Variants in RFTN2 observed in about 807,000 individuals in gnomAD.
RFTN2 encodes the protein raftlin-2.
In RFTN2, 34 loss-of-function variants were observed where a neutral mutation model predicts 52.7. The ratio of observed to expected loss-of-function variants is 0.64; its 90% CI spans 0.49 to 0.86. RFTN2 has a LOEUF of 0.86. Ranked by LOEUF, RFTN2 falls within the 40% of genes least tolerant of loss-of-function variation. The pLI is 0.00. For missense variants in RFTN2, 536 were observed against 600.1 expected, an observed-to-expected ratio of 0.89 and a Z score of 1.12; for synonymous variants, 203 against 217.7, an observed-to-expected ratio of 0.93 and a Z score of 0.59.
In RFTN2 at chr2:197,610,819, T is replaced by C. The variant is rs577869464; in HGVS notation, c.1154+5057A>G. Reference sequence around the variant, plus strand: ...CCTAGTTTATTGAGAGTTTTTAGCATGAAGTGCTGTTGAATTTTGTCAAAG... The same window carrying C: ...CCTAGTTTATTGAGAGTTTTTAGCACGAAGTGCTGTTGAATTTTGTCAAAG... On this transcript the variant is annotated intron_variant, in intron 7 of 8. Coordinates refer to ENST00000295049, the MANE Select transcript of RFTN2 (RefSeq NM_144629.3). Among the ~76,000 whole-genome samples, 10 of 152,386 alleles carry C rather than the reference T, an allele frequency of 6.6e-5. No individual in the cohort carries two copies. In the South Asian group the frequency reaches 2.1e-3, roughly 32 times the overall value.
At chr2:197,590,950 G>A (rs925590639) in intron 8 of RFTN2, among the ~76,000 whole-genome samples, 3 of 152,216 alleles carry the variant, frequency 2.0e-5, no homozygotes, top group African/African-American at 7.2e-5. Context: ...GACGAGCCCA[G>A]CAGGTTGCCA....
At chr2:197,591,051 G>C (rs1282209219) in intron 8 of RFTN2, among the ~76,000 whole-genome samples, 1 of 152,200 alleles carries the variant, frequency 6.6e-6, no homozygotes, top group Non-Finnish European at 1.5e-5. Context: ...CAATTGGTCT[G>C]TTTTACAGAG....
At chr2:197,616,309 A>ATTTTATTTTATTTTATTTT (rs1553601950) in intron 6 of RFTN2, among the ~76,000 whole-genome samples, 38 of 125,018 alleles carry the variant, frequency 3.0e-4, no homozygotes, top group Admixed American at 3.3e-4. Flanking sequence ...ATTTTATTTT[A>ATTTTATTTTATTTTATTTT]AAGAGAGGGT....
chr2:197,662,820 G>A (rs996100693), intron 1 of RFTN2, among the ~76,000 whole-genome samples: 2 of 151,894 alleles, frequency 1.3e-5, no homozygotes, highest in Non-Finnish European at 2.9e-5. Flanking sequence ...CTAGAGATGG[G>A]TTCTCACTAT....
intron 3 of RFTN2, among the ~76,000 whole-genome samples, chr2:197,641,582 A>AT (rs1199420041): frequency 6.6e-6 from 1 of 152,044 alleles, no homozygotes; most frequent in African/African-American, 2.4e-5. Context: ...TAAAGTATTA[A>AT]TTTTTTTTCC....
intron 8 of RFTN2, among the ~76,000 whole-genome samples, chr2:197,586,197 C>T (rs995097415): frequency 1.1e-4 from 16 of 152,200 alleles, no homozygotes; most frequent in African/African-American, 3.9e-4. Flanking sequence ...GTCAGACTCT[C>T]CTCCCAGGCC....
At chr2:197,666,127 C>T (rs573739350) in intron 1 of RFTN2, among the ~76,000 whole-genome samples, 1 of 152,172 alleles carries the variant, frequency 6.6e-6, no homozygotes, top group African/African-American at 2.4e-5. Context: ...CTTTGTCACC[C>T]AGGCTGGAGT....
chr2:197,648,050 C>T lies in RFTN2; in HGVS notation c.140-1384G>A, dbSNP rs77406477. ...AGTAACAAGACATATGAAATTAATT[C>T]CAGATATGAGCCTAGTTGGCTGTTG... On this transcript the variant is annotated intron_variant, in intron 1 of 8. Transcript: ENST00000295049. 9.0e-3 allele frequency among the ~76,000 whole-genome samples: 1,377 copies of T among 152,240 alleles called. 25 individuals are homozygous for T. Among genetic ancestry groups the T allele is most frequent in the African/African-American group, 0.032 (1,310 of 41,530 alleles).
chr2:197,629,421 A>G (rs1574722432), intron 5 of RFTN2, among the ~76,000 whole-genome samples: 1 of 152,088 alleles, frequency 6.6e-6, no homozygotes, highest in East Asian at 1.9e-4. Flanking sequence ...CAGGGTGGGA[A>G]ACATCACATA....
intron 5 of RFTN2, among the ~76,000 whole-genome samples, chr2:197,618,992 C>CGGGA (rs1369905167): frequency 4.0e-5 from 6 of 151,716 alleles, no homozygotes; most frequent in Admixed American, 1.3e-4. Flanking sequence ...CCGCCCCATC[C>CGGGA]GGGAGGGAGG....
At chr2:197,618,585 C>T (rs1340144095) in intron 5 of RFTN2, among the ~76,000 whole-genome samples, 2 of 151,714 alleles carry the variant, frequency 1.3e-5, no homozygotes, top group African/African-American at 2.4e-5. Context: ...CCTGGCTGCC[C>T]AGTCTGGAAA....
chr2:197,628,455 A>G (rs970070233), intron 5 of RFTN2, among the ~76,000 whole-genome samples: 6 of 152,218 alleles, frequency 3.9e-5, no homozygotes. Flanking sequence ...CTGGCTGGCA[A>G]CTGCTGTGGC....
chr2:197,645,799 T>G (rs1387922042), intron 2 of RFTN2, among the ~76,000 whole-genome samples: 1 of 152,118 alleles, frequency 6.6e-6, no homozygotes, highest in African/African-American at 2.4e-5. Context: ...CCAAGGTGGG[T>G]GGATCACCTG....
intron 3 of RFTN2, among the ~76,000 whole-genome samples, chr2:197,636,059 G>A (rs1187001683): frequency 1.2e-4 from 18 of 149,566 alleles, no homozygotes; most frequent in African/African-American, 1.7e-4. Flanking sequence ...GATATGCGGC[G>A]TTATTTCTGA....
At chr2:197,612,404 G>A (rs1353632355) in intron 7 of RFTN2, among the ~76,000 whole-genome samples, 1 of 152,180 alleles carries the variant, frequency 6.6e-6, no homozygotes, top group Non-Finnish European at 1.5e-5. Context: ...GAATTGGAGA[G>A]GGGAGCCATG....
rs1005037757 is a variant in RFTN2 at position 197,569,297 on chromosome 2, A to G, written c.*2711T>C. ...CCTAAGGAAATCATAGTGTTATAAA[A>G]AGAACTGAATATACAACTGGCAGAT... On this transcript the variant is annotated 3_prime_UTR_variant, in exon 9 of 9. Transcript: ENST00000295049. 1 of 152,244 alleles carries G rather than the reference A, an allele frequency of 6.6e-6. No individual in the cohort carries two copies. Among genetic ancestry groups the G allele is most frequent in the Non-Finnish European group, 1.5e-5 (1 of 68,040 alleles). 9.4% of individuals were successfully genotyped at this position (152,244 alleles called of 1,614,324 possible).
intron 5 of RFTN2, among the ~76,000 whole-genome samples, chr2:197,629,500 C>T (rs555112034): frequency 9.2e-5 from 14 of 151,898 alleles, no homozygotes; most frequent in South Asian, 4.2e-4. Context: ...ATGTAAATGA[C>T]GATTTGATGG....
chr2:197,597,476 G>A (rs921858552), intron 7 of RFTN2, among the ~76,000 whole-genome samples: 1 of 152,166 alleles, frequency 6.6e-6, no homozygotes, highest in African/African-American at 2.4e-5. Flanking sequence ...CCTAATAGCT[G>A]ACGCCTTTAA....
chr2:197,595,599 T>C (rs1452096826), intron 8 of RFTN2, among the ~76,000 whole-genome samples: 2 of 152,172 alleles, frequency 1.3e-5, no homozygotes, highest in Non-Finnish European at 2.9e-5. Flanking sequence ...TTAGTAAGGT[T>C]TGTTTTTGCA....
Sources: allele counts gnomAD v4.1 joint callset (sites outside exome capture counted in the v4.1 genomes callset), GRCh38; gene constraint gnomAD v4.1.1; transcripts MANE v1.5; gene names NCBI Gene and HGNC (gene_info 2026-07-23, HGNC 2026-07-21).